Variants in KCNQ2 observed in about 807,000 individuals in gnomAD.
KCNQ2 encodes potassium voltage-gated channel subfamily Q member 2.
Under a neutral mutation model 84.8 loss-of-function variants are expected in KCNQ2, and 14 were observed. The observed-to-expected ratio is 0.17, with a 90% confidence interval of 0.11 to 0.26. The LOEUF is 0.26. Among genes scored for constraint, KCNQ2 ranks in the 10% least tolerant of loss-of-function variants. The pLI, the probability that KCNQ2 is intolerant of heterozygous loss-of-function variation, is 1.00. For synonymous variants in KCNQ2, 599 were observed against 554.1 expected, an observed-to-expected ratio of 1.08 and a Z score of -1.14; for missense variants, 788 against 1,254.0, an observed-to-expected ratio of 0.63 and a Z score of 5.61.
chr20:63,462,722 C>T (rs992358615), intron 1 of KCNQ2, among the ~76,000 whole-genome samples: 2 of 152,202 alleles, frequency 1.3e-5, no homozygotes, highest in African/African-American at 4.8e-5. Flanking sequence ...CACGCAGCAC[C>T]ATTTGCAGCG....
chr20:63,445,579 C>G (rs917281606), intron 2 of KCNQ2: 4 of 222,396 alleles, frequency 1.8e-5, no homozygotes, highest in Non-Finnish European at 3.0e-5. Flanking sequence ...CACAGCTGAG[C>G]ATGAACACCA....
At chr20:63,443,360 AT>A (rs1172904905) in intron 4 of KCNQ2, among the ~76,000 whole-genome samples, 9 of 115,794 alleles carry the variant, frequency 7.8e-5, no homozygotes, top group Non-Finnish European at 1.4e-4. Flanking sequence ...CACCACCACC[AT>A]CACCATCATC....
chr20:63,436,999 G>A (rs1003931232), intron 7 of KCNQ2, among the ~76,000 whole-genome samples: 1 of 151,994 alleles, frequency 6.6e-6, no homozygotes. Context: ...AGCTGGTCTC[G>A]AACTCCTGAC....
rs1440483900 is a variant in KCNQ2, at chr20:63,403,027, G to A, written c.*3617C>T. 2 of 152,304 alleles carry A rather than the reference G, an allele frequency of 1.3e-5. No individual in the cohort carries two copies. The highest frequency in any genetic ancestry group is 4.8e-5 in the African/African-American group (2 of 41,460). 9.4% of individuals were successfully genotyped at this position (152,304 alleles called of 1,614,324 possible). On this transcript the variant is annotated 3_prime_UTR_variant, in exon 17 of 17. Transcript: ENST00000359125. ...GGGCTGGGGCCTGGGATTCGAGGCT[G>A]AGCCACCCATCCCAGGAGGGCCCAG... is the stretch of plus-strand genomic sequence containing the variant.
chr20:63,472,394 A>G lies in KCNQ2; in HGVS notation c.70T>C (p.Phe24Leu). 1.3e-6 allele frequency: 2 copies of G among 1,537,586 alleles called. No homozygotes were observed. Among genetic ancestry groups the G allele is most frequent in the Non-Finnish European group, 1.7e-6 (2 of 1,145,130 alleles). ...GGCGCGCCGGGGTCCAGCCCCACGA[A>G]GCCCACCTTCAGCTTCTTCTCCCCG... ...PSGEKKLKVG[F>L]VGLDPGAPDS... Residue 24 changes from phenylalanine to leucine, a missense_variant, in exon 1 of 17, where the codon TTC (phenylalanine) becomes CTC (leucine). By Grantham distance (22) the Phe-to-Leu change is conservative. Around this residue, in one of 8 missense-constraint regions of KCNQ2, gnomAD observed 41 missense variants for 41.2 expected, o/e 0.99. Transcript: ENST00000359125.
At chr20:63,416,499 G>A (rs1296988536) in intron 12 of KCNQ2, among the ~76,000 whole-genome samples, 1 of 152,180 alleles carries the variant, frequency 6.6e-6, no homozygotes, top group Non-Finnish European at 1.5e-5. Flanking sequence ...ACGAACTGGG[G>A]ACCCGCTCAT....
At chr20:63,432,411 C>T (rs1483923274) in intron 8 of KCNQ2, among the ~76,000 whole-genome samples, 4 of 149,306 alleles carry the variant, frequency 2.7e-5, no homozygotes, top group East Asian at 4.0e-4. Flanking sequence ...AGGCCCCACC[C>T]TCAGGGAAGG....
intron 1 of KCNQ2, among the ~76,000 whole-genome samples, chr20:63,469,279 C>T (rs776214825): frequency 9.8e-5 from 15 of 152,334 alleles, no homozygotes; most frequent in Non-Finnish European, 2.2e-4. Context: ...AGAGGTGGCC[C>T]AGCACCCCGC....
At chr20:63,443,030 TCAC>T (rs1391444212) in intron 4 of KCNQ2, among the ~76,000 whole-genome samples, 15 of 9,840 alleles carry the variant, frequency 1.5e-3, no homozygotes, top group African/African-American at 5.2e-3. Flanking sequence ...CACCATCACA[TCAC>T]CACCACCATC....
chr20:63,419,177 T>C (rs956250961), intron 12 of KCNQ2, among the ~76,000 whole-genome samples: 8 of 152,146 alleles, frequency 5.3e-5, no homozygotes, highest in African/African-American at 1.9e-4. Flanking sequence ...GGGCTTCTGA[T>C]GCATCAGGAC....
In KCNQ2 at chr20:63,465,637, T is replaced by C. The variant is rs147339179; in HGVS notation, c.296+6531A>G. ...TCCAGAGAGTTCCTCGGCGACAAGC[T>C]CAGATCTGCAGGCCCCTCCTCCTTC... On this transcript the variant is annotated intron_variant, in intron 1 of 16. Transcript: ENST00000359125. 5.5e-3 allele frequency among the ~76,000 whole-genome samples: 831 copies of C among 152,268 alleles called. 3 individuals are homozygous for C. Among genetic ancestry groups the C allele is most frequent in the African/African-American group, 0.019 (787 of 41,554 alleles).
intron 8 of KCNQ2, among the ~76,000 whole-genome samples, chr20:63,432,468 AGGGAAGGCTCCACCCTCT>A (rs2080843365): frequency 1.6e-5 from 2 of 126,230 alleles, no homozygotes; most frequent in African/African-American, 3.0e-5. Flanking sequence ...CTCCACCCAC[AGGGAAGGCTCCACCCTCT>A]GGGAAGGCTC....
intron 4 of KCNQ2, 139 bp downstream of exon 4, chr20:63,444,520 C>T: frequency 1.7e-6 from 1 of 601,438 alleles, no homozygotes; most frequent in Non-Finnish European, 2.6e-6. Flanking sequence ...ACCTGATGGG[C>T]TCCAGCCAGA....
chr20:63,428,833 C>G (rs958230709), intron 9 of KCNQ2, among the ~76,000 whole-genome samples: 4 of 152,162 alleles, frequency 2.6e-5, no homozygotes, highest in Admixed American at 2.6e-4. Context: ...ATATTTAGGG[C>G]CCCGGCCCCT....
At chr20:63,465,935 C>T (rs2082070230) in intron 1 of KCNQ2, among the ~76,000 whole-genome samples, 1 of 152,198 alleles carries the variant, frequency 6.6e-6, no homozygotes, top group Middle Eastern at 3.2e-3. Context: ...CCGGCGGGTC[C>T]TCTGCTGCCG....
At chr20:63,463,976 T>C (rs2082020099) in intron 1 of KCNQ2, 1 of 151,970 alleles carries the variant, frequency 6.6e-6, no homozygotes, top group African/African-American at 2.4e-5. Flanking sequence ...ACTCCGATTG[T>C]TCAACCCACT....
chr20:63,441,288 C>T (rs2081154846), intron 5 of KCNQ2, among the ~76,000 whole-genome samples: 1 of 145,940 alleles, frequency 6.9e-6, no homozygotes. Flanking sequence ...GTAGGAGGTA[C>T]ACAGTCAGCG....
intron 3 of KCNQ2, 116 bp from the exon 4 acceptor site, chr20:63,444,950 C>A: frequency 8.3e-7 from 1 of 1,206,246 alleles, no homozygotes; most frequent in Non-Finnish European, 1.1e-6. Flanking sequence ...GGTGTATGCC[C>A]AGCGCCTGGT....
At chr20:63,462,000 G>A (rs1285343123) in intron 1 of KCNQ2, among the ~76,000 whole-genome samples, 1 of 135,102 alleles carries the variant, frequency 7.4e-6, no homozygotes, top group Non-Finnish European at 1.6e-5. Context: ...CAGGCAGCAG[G>A]GAGGAGGCTG....
Sources: allele counts gnomAD v4.1 joint callset (sites outside exome capture counted in the v4.1 genomes callset), GRCh38; gene constraint gnomAD v4.1.1; regional missense constraint gnomAD v4.1.1; transcripts MANE v1.5; gene names NCBI Gene and HGNC (gene_info 2026-07-23, HGNC 2026-07-21).